Variants in CKMT1A observed in about 807,000 individuals in gnomAD.
CKMT1A encodes the protein creatine kinase, mitochondrial 1A.
In CKMT1A, 23 loss-of-function variants were observed where a neutral mutation model predicts 21.8. The observed-to-expected ratio is 1.05, with a 90% CI of 0.76 to 1.49. The LOEUF (loss-of-function observed/expected upper bound fraction) is 1.49, where lower values mean the gene tolerates loss of function less well. CKMT1A is among the 40% of genes most tolerant of loss of function. The probability of loss-of-function intolerance (pLI) is 0.00; values close to 1 mark genes in which losing one functional copy is unlikely to be tolerated. For missense variants in CKMT1A, 154 were observed against 229.4 expected, an observed-to-expected ratio of 0.67 and a Z score of 2.12; for synonymous variants, 67 against 80.4, an observed-to-expected ratio of 0.83 and a Z score of 0.89.
chr15:43,698,561 T>C, intron 7 of CKMT1A, 80 bp from the exon 8 acceptor site: 1 of 1,499,116 alleles, frequency 6.7e-7, no homozygotes, highest in Non-Finnish European at 8.9e-7. Context: ...GACAGAGCTC[T>C]GAGCAGGTTC....
chr15:43,698,795 G>A, intron 8 of CKMT1A, 29 bp downstream of exon 8: 3 of 1,613,450 alleles, frequency 1.9e-6, no homozygotes, highest in South Asian at 1.1e-5. Context: ...AGGATGAGGA[G>A]AGGTATAGGT....
chr15:43,697,481 T>C, intron 6 of CKMT1A: 1 of 984,230 alleles, frequency 1.0e-6, no homozygotes, highest in Non-Finnish European at 1.2e-6. Context: ...CAAAATGCCT[T>C]CCCCCTGTCC....
chr15:43,698,051 T>C lies in CKMT1A; in HGVS notation c.914T>C (p.Met305Thr), dbSNP rs935884243. Residue 305 changes from methionine to threonine, a missense_variant, in exon 7 of 9, where the codon ATG (methionine) becomes ACG (threonine). Met to Thr is a moderately conservative substitution (Grantham distance 81). Transcript: ENST00000413453. ...RLIQERGWEFMWNERLGYILT... is the reference protein window; with the variant it reads ...RLIQERGWEFTWNERLGYILT... Reference sequence around the variant, plus strand: ...ATCCAAGAACGTGGCTGGGAGTTCATGTGGAATGAGCGTTTGGGATACATC... The same window carrying C: ...ATCCAAGAACGTGGCTGGGAGTTCACGTGGAATGAGCGTTTGGGATACATC... 6.2e-7 allele frequency: 1 copy of C among 1,613,524 alleles called. No homozygotes were observed. The highest frequency in any genetic ancestry group is 1.7e-5 in the Admixed American group (1 of 59,900).
At chr15:43,695,615 G>A in intron 3 of CKMT1A, 73 bp from the exon 4 acceptor site, 1 of 15,734 alleles carries the variant, frequency 6.4e-5, no homozygotes, top group Middle Eastern at 0.062. Flanking sequence ...CCTAAGGAAG[G>A]TCTCTCCTTT....
chr15:43,697,972 A>G (rs1368659494), intron 6 of CKMT1A, 42 bp from the exon 7 acceptor site: 4 of 1,613,084 alleles, frequency 2.5e-6, no homozygotes, highest in Non-Finnish European at 3.4e-6. Context: ...GGGTTAATGA[A>G]ATATCCCTGA....
At chr15:43,696,876 C>T (rs574365605) in intron 6 of CKMT1A, 1 of 300,506 alleles carries the variant, frequency 3.3e-6, no homozygotes, top group South Asian at 3.3e-5. Flanking sequence ...TAGAATGGTT[C>T]GAGTTCTAGA....
intron 8 of CKMT1A, 70 bp from the exon 9 acceptor site, chr15:43,698,903 G>A (rs2086497090): frequency 1.1e-5 from 18 of 1,604,712 alleles, no homozygotes; most frequent in Admixed American, 3.3e-5. Flanking sequence ...GAAATGAGCA[G>A]GCAAGTCAGT....
intron 6 of CKMT1A, chr15:43,697,582 T>G: frequency 1.0e-6 from 1 of 984,306 alleles, no homozygotes; most frequent in South Asian, 4.7e-5. Flanking sequence ...GAACGTTATC[T>G]CACCTCTTCC....
intron 6 of CKMT1A, chr15:43,696,725 G>A (rs886540200): frequency 4.7e-5 from 13 of 276,516 alleles, no homozygotes; most frequent in Non-Finnish European, 8.4e-5. Flanking sequence ...GCGGGGAGAG[G>A]TTGCTGTGTT....
In CKMT1A at chr15:43,697,312, T is replaced by A. The variant is rs2086461689; in HGVS notation, c.877-702T>A. 3 of 1,274,464 alleles carry A rather than the reference T, an allele frequency of 2.4e-6. No homozygotes were observed. In the South Asian group the frequency reaches 4.0e-5, roughly 17 times the overall value. The allele number at this position is 1,274,464 out of a possible 1,614,324, so 78.9% of individuals were successfully genotyped here. A position where few individuals can be genotyped will look rare whatever the true frequency, so the allele number is the denominator to read the frequency against. On this transcript the variant is annotated intron_variant, in intron 6 of 8. Transcript: ENST00000413453. ...CTGGATGGAAGAGTTTCCCCCCATG[T>A]TCAGCACATAAGATATCCCTGGTGG...
chr15:43,696,458 G>C, intron 6 of CKMT1A, 95 bp downstream of exon 6: 1 of 1,585,404 alleles, frequency 6.3e-7, no homozygotes, highest in South Asian at 1.1e-5. Context: ...ACCAACCCAA[G>C]ACATGTCTGA....
At position 43,696,450 on chromosome 15, in the gene CKMT1A, C is replaced by T. The variant is rs113935795; in HGVS notation, c.876+87C>T. 1.7e-4 allele frequency: 277 copies of T among 1,590,710 alleles called. 27 individuals carry two copies. The African/African-American group carries it at 3.4e-3, about 20-fold the overall frequency. On this transcript the variant is annotated intron_variant, in intron 6 of 8. Transcript: ENST00000413453. ...TAAATAGATTATGTAATTTATCAAC[C>T]AACCCAAGACATGTCTGATGGTAAA...
intron 6 of CKMT1A, 60 bp from the exon 7 acceptor site, chr15:43,697,954 A>T: frequency 6.2e-7 from 1 of 1,604,846 alleles, no homozygotes; most frequent in South Asian, 1.1e-5. Flanking sequence ...TAGCTAAGGG[A>T]GGGTCCAGGG....
chr15:43,698,977 A>T lies in CKMT1A; in HGVS notation c.1142A>T (p.Glu381Val). 2 of 1,613,610 alleles carry T rather than the reference A, an allele frequency of 1.2e-6. No homozygotes were observed. Among genetic ancestry groups the T allele is most frequent in the Non-Finnish European group, 1.7e-6 (2 of 1,179,902 alleles). ...TCAAAGATTAGTGTCCTTCAGGTGG[A>T]GCTGGTGCAACTGGTCATCGATGGA... ...NLDRLGKSEV[E>V]LVQLVIDGVN... is the part of the protein sequence containing the mutation. Residue 381 changes from glutamate (E) to valine (V), a missense_variant, in exon 9 of 9, where the codon GAG becomes GTG. Glu to Val is a moderately radical substitution (Grantham distance 121). Coordinates refer to ENST00000413453, the MANE Select transcript of CKMT1A (RefSeq NM_001321926.2).
chr15:43,697,723 C>A (rs970897278), intron 6 of CKMT1A: 1 of 984,272 alleles, frequency 1.0e-6, no homozygotes, highest in African/African-American at 1.7e-5. Context: ...CAGTTTACCA[C>A]CTCTGTTCAT....
rs757080475 is a variant in CKMT1A at position 43,698,778 on chromosome 15, A to C, written c.1137+12A>C. 1.2e-6 allele frequency: 2 copies of C among 1,613,490 alleles called. No homozygotes were observed. Among genetic ancestry groups the C allele is most frequent in the East Asian group, 4.5e-5 (2 of 44,882 alleles). On this transcript the variant is annotated intron_variant, in intron 8 of 8. Transcript: ENST00000413453. ...TAGGCAAATCAGAGGTGAGATCCTA[A>C]GGGATTAGGATGAGGAGAGGTATAG...
chr15:43,699,103 G>T lies in CKMT1A; in HGVS notation c.*14G>T. On this transcript the variant is annotated 3_prime_UTR_variant, in exon 9 of 9. Transcript: ENST00000413453. ...ACCAAGCATTAACTCCCCATCGCCA[G>T]CTGATGACTCAAGATTCCAAGGAGT... The T allele has an allele frequency of 7.4e-6, 12 of 1,613,462 alleles. No homozygotes were observed. Among genetic ancestry groups the T allele is most frequent in the Non-Finnish European group, 1.0e-5 (12 of 1,179,872 alleles).
chr15:43,696,298 A>G lies in CKMT1A; in HGVS notation c.811A>G (p.Ile271Val). Residue 271 changes from isoleucine to valine, a missense_variant, in exon 6 of 9, where the codon ATC becomes GTC. By Grantham distance (29) the Ile-to-Val change is conservative. Coordinates refer to ENST00000413453, the MANE Select transcript of CKMT1A (RefSeq NM_001321926.2). The stretch of plus-strand genomic sequence containing the variant: ...GAATGAGGAGGATCATACACGGGTG[A>G]TCTCCATGGAGAAGGGTGGTAACAT... ...WVNEEDHTRV[I>V]SMEKGGNMKR... is the part of the protein sequence containing the mutation. 6.2e-7 allele frequency: 1 copy of G among 1,602,462 alleles called. No homozygotes were observed. The highest frequency in any genetic ancestry group is 8.5e-7 in the Non-Finnish European group (1 of 1,173,596).
At chr15:43,697,796 T>G in intron 6 of CKMT1A, 1 of 984,546 alleles carries the variant, frequency 1.0e-6, no homozygotes, top group Non-Finnish European at 1.2e-6. Context: ...AAGATATTTT[T>G]TCACAATCTC....
Sources: gnomAD v4.1 joint callset for allele counts on GRCh38, gnomAD v4.1.1 for gene constraint, MANE v1.5 for transcripts, NCBI Gene and HGNC (gene_info 2026-07-23, HGNC 2026-07-21) for gene names.